WDFY1: variants seen among roughly 807,000 people sequenced by gnomAD.
WDFY1 encodes WD repeat and FYVE domain-containing protein 1.
A neutral mutation model predicts 56.4 loss-of-function variants in WDFY1; 32 were observed. The ratio of observed to expected loss-of-function variants is 0.57; its 90% CI spans 0.43 to 0.76. The LOEUF (loss-of-function observed/expected upper bound fraction) is 0.76, where lower values mean the gene tolerates loss of function less well. Ranked by LOEUF, WDFY1 falls within the 30% of genes least tolerant of loss-of-function variation. The pLI is 0.00. For synonymous variants in WDFY1, 192 were observed against 197.3 expected (o/e 0.97, Z 0.23); for missense variants, 480 against 545.7 (o/e 0.88, Z 1.20).
chr2:223,915,357 CAGAG>C (rs1438705002), intron 2 of WDFY1, among the ~76,000 whole-genome samples: 2 of 152,152 alleles, frequency 1.3e-5, no homozygotes, highest in Admixed American at 6.5e-5. Flanking sequence ...AGGCTGAAGA[CAGAG>C]AGATCCACTG....
At chr2:223,882,329 G>T (rs953138261) in intron 9 of WDFY1, among the ~76,000 whole-genome samples, 1 of 152,100 alleles carries the variant, frequency 6.6e-6, no homozygotes, top group Non-Finnish European at 1.5e-5. Flanking sequence ...TGGTCAGGCT[G>T]GTCTCGAACT....
At chr2:223,903,382 C>T (rs893298975) in intron 4 of WDFY1, among the ~76,000 whole-genome samples, 1 of 151,710 alleles carries the variant, frequency 6.6e-6, no homozygotes, top group African/African-American at 2.4e-5. Context: ...AATTAGCTGG[C>T]CGTGGTGGCT....
intron 1 of WDFY1, among the ~76,000 whole-genome samples, chr2:223,939,713 A>G (rs1689267035): frequency 6.6e-6 from 1 of 152,170 alleles, no homozygotes. Flanking sequence ...CTCATGATTC[A>G]ATTATTTCCC....
At chr2:223,941,189 T>G (rs1020741915) in intron 1 of WDFY1, among the ~76,000 whole-genome samples, 3 of 152,138 alleles carry the variant, frequency 2.0e-5, no homozygotes, top group Non-Finnish European at 1.5e-5. Flanking sequence ...ACTCCTAACC[T>G]CAGGTGATCT....
intron 1 of WDFY1, among the ~76,000 whole-genome samples, chr2:223,925,131 A>C (rs1472930688): frequency 1.5e-4 from 23 of 152,126 alleles, no homozygotes; most frequent in Admixed American, 1.5e-3. Flanking sequence ...AGAGTAATTC[A>C]ATAGCTTATA....
intron 8 of WDFY1, among the ~76,000 whole-genome samples, chr2:223,892,745 T>C (rs991658622): frequency 6.6e-6 from 1 of 152,206 alleles, no homozygotes; most frequent in Non-Finnish European, 1.5e-5. Flanking sequence ...TCTATTACAA[T>C]GGTGCACAGC....
In WDFY1 at chr2:223,901,252, C is replaced by T. The variant is rs190220079; in HGVS notation, c.416G>A (p.Ser139Asn). The change falls in exon 5 of 12, where the codon AGC (serine) becomes AAC (asparagine). Residue 139 changes from serine to asparagine, a missense_variant. Transcript: ENST00000233055. The stretch of plus-strand genomic sequence containing the variant: ...GTTCCCGCTCCGCGTGCACATCCAG[C>T]TCACACACTTGTCGTGGCCGGTACT... ...VISTGHDKCV[S>N]WMCTRSGNML... The T allele has an allele frequency of 7.4e-6, 12 of 1,614,182 alleles. No individual in the cohort carries two copies. The Admixed American group carries it at 8.3e-5, about 11-fold the overall frequency.
chr2:223,917,533 T>C (rs1693807716), intron 2 of WDFY1, among the ~76,000 whole-genome samples: 1 of 152,182 alleles, frequency 6.6e-6, no homozygotes, highest in Admixed American at 6.5e-5. Flanking sequence ...AAGAAACTCA[T>C]TTTGAAATCT....
At position 223,888,113 on chromosome 2, in the gene WDFY1, G is replaced by A. The variant is rs181280932; in HGVS notation, c.832-3364C>T. On this transcript the variant is annotated intron_variant, in intron 8 of 11. Transcript: ENST00000233055. ...ACTTTTTTTTTTGAGACAGGGTCTC[G>A]CTTTGTCACACAGACTGGACTGCAG... Among the ~76,000 whole-genome samples the A allele has an allele frequency of 2.1e-4, 32 of 151,908 alleles. No homozygotes were observed. The East Asian group carries it at 5.2e-3, about 25-fold the overall frequency.
At position 223,877,009 on chromosome 2, in the gene WDFY1, G is replaced by T. The variant is rs1692983343; in HGVS notation, c.*1662C>A. The T allele has an allele frequency of 6.6e-6, 1 of 152,140 alleles. No individual in the cohort carries two copies. The highest frequency in any genetic ancestry group is 1.5e-5 in the Non-Finnish European group (1 of 68,008). 9.4% of individuals were successfully genotyped at this position (152,140 alleles called of 1,614,324 possible). A position where few individuals can be genotyped will look rare whatever the true frequency, so the allele number is the denominator to read the frequency against. Reference sequence around the variant, plus strand: ...CAAAGAGTCTAGAAAGTTTTTAAAAGAAATCTCTTTAGGTGATGTAACACG... The same window carrying T: ...CAAAGAGTCTAGAAAGTTTTTAAAATAAATCTCTTTAGGTGATGTAACACG... On this transcript the variant is annotated 3_prime_UTR_variant, in exon 12 of 12. Transcript: ENST00000233055.
chr2:223,881,433 G>A (rs1216543660), intron 10 of WDFY1, among the ~76,000 whole-genome samples: 1 of 152,108 alleles, frequency 6.6e-6, no homozygotes, highest in Non-Finnish European at 1.5e-5. Context: ...CCAGTCAGAG[G>A]GGCAACTTAA....
At chr2:223,911,112 A>G (rs1176135542) in intron 3 of WDFY1, among the ~76,000 whole-genome samples, 1 of 152,248 alleles carries the variant, frequency 6.6e-6, no homozygotes, top group Non-Finnish European at 1.5e-5. Flanking sequence ...TGAACCTTGA[A>G]AACATTATGT....
intron 2 of WDFY1, among the ~76,000 whole-genome samples, 156 bp from the exon 3 acceptor site, chr2:223,912,482 T>C (rs777760617): frequency 2.5e-4 from 38 of 152,242 alleles, no homozygotes; most frequent in Non-Finnish European, 5.0e-4. Flanking sequence ...GAAAATGTTA[T>C]TAAAGTTCTC....
At chr2:223,880,281 G>A (rs1321083652) in intron 10 of WDFY1, 49 bp from the exon 11 acceptor site, 1 of 1,549,172 alleles carries the variant, frequency 6.5e-7, no homozygotes, top group African/African-American at 1.4e-5. Flanking sequence ...TGTACCTAGA[G>A]CTAGTGGGGT....
intron 1 of WDFY1, among the ~76,000 whole-genome samples, chr2:223,921,642 G>A (rs964971563): frequency 2.0e-5 from 3 of 151,542 alleles, no homozygotes; most frequent in Non-Finnish European, 2.9e-5. Flanking sequence ...CCAGGGTGGA[G>A]TGCAGTGGTG....
chr2:223,936,815 C>A (rs572079124), intron 1 of WDFY1, among the ~76,000 whole-genome samples: 1 of 152,192 alleles, frequency 6.6e-6, no homozygotes, highest in Non-Finnish European at 1.5e-5. Context: ...ACCTACATGA[C>A]CAGCCTCTAA....
chr2:223,908,103 G>A (rs1007223825), intron 3 of WDFY1, among the ~76,000 whole-genome samples: 2 of 151,924 alleles, frequency 1.3e-5, no homozygotes, highest in Admixed American at 1.3e-4. Flanking sequence ...CAATCCTCCT[G>A]CCTAAGCCTC....
chr2:223,926,865 G>A (rs1444774937), intron 1 of WDFY1, among the ~76,000 whole-genome samples: 2 of 152,052 alleles, frequency 1.3e-5, no homozygotes, highest in Admixed American at 6.6e-5. Flanking sequence ...CCGGGATTTT[G>A]CCATGTTGGC....
intron 8 of WDFY1, among the ~76,000 whole-genome samples, chr2:223,891,827 C>G (rs1303091995): frequency 1.3e-5 from 2 of 152,164 alleles, no homozygotes; most frequent in Non-Finnish European, 2.9e-5. Flanking sequence ...GTTTTCCGCT[C>G]TCTCAGAATA....
Sources: allele counts gnomAD v4.1 joint callset (sites outside exome capture counted in the v4.1 genomes callset), GRCh38; gene constraint gnomAD v4.1.1; transcripts MANE v1.5; gene names NCBI Gene and HGNC (gene_info 2026-07-23, HGNC 2026-07-21).